SRPK2: variants seen among roughly 807,000 people sequenced by gnomAD.
SRPK2 encodes SRSF protein kinase 2.
A neutral mutation model predicts 90.8 loss-of-function variants in SRPK2; 21 were observed. That is an observed-to-expected ratio of 0.23 (90% confidence interval 0.16 to 0.33). The LOEUF is 0.33. SRPK2 is among the 10% of genes least tolerant of loss of function. The pLI, the probability that SRPK2 is intolerant of heterozygous loss-of-function variation, is 1.00. For missense variants in SRPK2, 620 were observed against 869.0 expected (o/e 0.71, Z 3.60); for synonymous variants, 288 against 311.1 (o/e 0.93, Z 0.78).
chr7:105,373,877 A>T (rs1414983718), intron 2 of SRPK2, among the ~76,000 whole-genome samples: 1 of 152,048 alleles, frequency 6.6e-6, no homozygotes, highest in Non-Finnish European at 1.5e-5. Flanking sequence ...AGTCACTTTC[A>T]ACTTGGTTAT....
At chr7:105,352,663 G>C (rs968473669) in intron 2 of SRPK2, among the ~76,000 whole-genome samples, 1 of 152,256 alleles carries the variant, frequency 6.6e-6, no homozygotes, top group Admixed American at 6.5e-5. Context: ...ACTTTGGGAG[G>C]CCAAGGTGGG....
chr7:105,223,063 C>G (rs1798296451), intron 2 of SRPK2, among the ~76,000 whole-genome samples: 1 of 152,222 alleles, frequency 6.6e-6, no homozygotes, highest in African/African-American at 2.4e-5. Flanking sequence ...GCTGAAGTGG[C>G]CCAGCTGACC....
At chr7:105,149,223 C>G (rs892408608) in intron 7 of SRPK2, among the ~76,000 whole-genome samples, 5 of 152,302 alleles carry the variant, frequency 3.3e-5, no homozygotes, top group African/African-American at 7.2e-5. Flanking sequence ...GTTCAATTCT[C>G]AGATGAGAGA....
rs1374880409 is a variant in SRPK2 at position 105,143,073 on chromosome 7, G to T, written c.1060+11C>A. 1 of 1,610,410 alleles carries T rather than the reference G, an allele frequency of 6.2e-7. No individual in the cohort carries two copies. Among genetic ancestry groups the T allele is most frequent in the African/African-American group, 1.3e-5 (1 of 74,908 alleles). On this transcript the variant is annotated intron_variant, in intron 10 of 15. Coordinates refer to ENST00000393651, the MANE Select transcript of SRPK2 (RefSeq NM_182692.3). ...GAACCCCATGCAGCCCAGGTTCCAGGCCCCACTGACCATTGTCCTTTGCAG... is the reference window on the plus strand; with the variant it reads ...GAACCCCATGCAGCCCAGGTTCCAGTCCCCACTGACCATTGTCCTTTGCAG...
At chr7:105,145,989 C>T (rs1584944759) in intron 8 of SRPK2, among the ~76,000 whole-genome samples, 1 of 152,258 alleles carries the variant, frequency 6.6e-6, no homozygotes, top group East Asian at 1.9e-4. Context: ...GCACCACCTC[C>T]CCGACCCCGC....
Position 105,370,875 on chromosome 7 carries a change from G to C in SRPK2, c.71+17773C>G, listed in dbSNP as rs569247256. Among the ~76,000 whole-genome samples the C allele has an allele frequency of 1.3e-3, 194 of 152,004 alleles. 2 individuals are homozygous for C. The highest frequency in any genetic ancestry group is 1.9e-3 in the South Asian group (9 of 4,820). On this transcript the variant is annotated intron_variant, in intron 2 of 15. Transcript: ENST00000393651. ...AGGCAATCCACCCGCTTAGGCCTCT[G>C]AAAGTGCTAGGATTACAGGCATGAT... is the stretch of plus-strand genomic sequence containing the variant.
intron 3 of SRPK2, among the ~76,000 whole-genome samples, chr7:105,169,622 G>A (rs1790543966): frequency 6.6e-6 from 1 of 152,166 alleles, no homozygotes; most frequent in Admixed American, 6.5e-5. Context: ...AGCTACTTAG[G>A]AGGCTGAGGG....
chr7:105,295,084 C>T (rs953439378), intron 2 of SRPK2, among the ~76,000 whole-genome samples: 9 of 151,738 alleles, frequency 5.9e-5, no homozygotes, highest in Non-Finnish European at 1.0e-4. Flanking sequence ...TGGTGGCATG[C>T]GCCTGTAGTC....
intron 2 of SRPK2, among the ~76,000 whole-genome samples, chr7:105,299,931 A>G (rs1167898502): frequency 6.6e-6 from 1 of 151,992 alleles, no homozygotes; most frequent in African/African-American, 2.4e-5. Flanking sequence ...TAGATCTAAA[A>G]TATTTCCAAA....
At chr7:105,175,941 T>C (rs948302483) in intron 3 of SRPK2, among the ~76,000 whole-genome samples, 4 of 152,074 alleles carry the variant, frequency 2.6e-5, no homozygotes, top group African/African-American at 9.7e-5. Flanking sequence ...AAATTCCTCC[T>C]AAAAAGTAAA....
chr7:105,142,470 C>T lies in SRPK2; in HGVS notation c.1081G>A (p.Glu361Lys). 6.2e-7 allele frequency: 1 copy of T among 1,610,654 alleles called. No individual in the cohort carries two copies. ...KDNGEAEDQE[E>K]KEDAEKENIE... ...TTTTCTTTCTCAGCATCTTCTTTCT[C>T]TTCCTGGTCCTCAGCTTCACCTTAA... Residue 361 changes from glutamate (E) to lysine (K), a missense_variant, in exon 11 of 16, where the codon GAG (glutamate) becomes AAG (lysine). Glu to Lys is a moderately conservative substitution (Grantham distance 56). This residue lies in a region of SRPK2 where 243 missense variants were observed against 245.7 expected (regional missense o/e 0.99). Transcript: ENST00000393651.
chr7:105,170,894 A>AG (rs1563025699), intron 3 of SRPK2, among the ~76,000 whole-genome samples: 14 of 102,914 alleles, frequency 1.4e-4, no homozygotes, highest in South Asian at 6.8e-4. Flanking sequence ...AAAGAAAGAA[A>AG]GAAAGAAAGA....
chr7:105,352,280 G>A (rs1484135013), intron 2 of SRPK2, among the ~76,000 whole-genome samples: 2 of 152,140 alleles, frequency 1.3e-5, no homozygotes, highest in Non-Finnish European at 2.9e-5. Context: ...TCTAACAAAC[G>A]TGGCAGAAGT....
At chr7:105,386,262 C>T (rs927261976) in intron 2 of SRPK2, among the ~76,000 whole-genome samples, 2 of 147,864 alleles carry the variant, frequency 1.4e-5, no homozygotes, top group African/African-American at 2.5e-5. Context: ...TGCAGTGAGC[C>T]GAGATCGCGC....
chr7:105,212,548 T>C (rs1036396713), intron 2 of SRPK2, among the ~76,000 whole-genome samples: 1 of 152,136 alleles, frequency 6.6e-6, no homozygotes, highest in African/African-American at 2.4e-5. Flanking sequence ...AGGTTAGGCA[T>C]AGGAATAATC....
chr7:105,301,915 T>C (rs1054285521), intron 2 of SRPK2: 11 of 1,608,122 alleles, frequency 6.8e-6, no homozygotes, highest in Non-Finnish European at 5.9e-6. Flanking sequence ...CAATTGAAAC[T>C]CCTAATACAG....
At chr7:105,314,836 G>A (rs921140762) in intron 2 of SRPK2, among the ~76,000 whole-genome samples, 2 of 152,238 alleles carry the variant, frequency 1.3e-5, no homozygotes, top group Non-Finnish European at 2.9e-5. Context: ...AATTCATTAA[G>A]TAAATTGCTC....
chr7:105,177,815 G>C (rs746263593), intron 3 of SRPK2, among the ~76,000 whole-genome samples: 1 of 152,168 alleles, frequency 6.6e-6, no homozygotes, highest in Non-Finnish European at 1.5e-5. Context: ...AAGATCAGGA[G>C]ATCGAGACCA....
chr7:105,359,821 G>C (rs1818224406), intron 2 of SRPK2, among the ~76,000 whole-genome samples: 1 of 152,158 alleles, frequency 6.6e-6, no homozygotes, highest in African/African-American at 2.4e-5. Flanking sequence ...TTTAGAATAA[G>C]TGCGATGTGG....
Sources: allele counts gnomAD v4.1 joint callset (sites outside exome capture counted in the v4.1 genomes callset), GRCh38; gene constraint gnomAD v4.1.1; regional missense constraint gnomAD v4.1.1; transcripts MANE v1.5; gene names NCBI Gene and HGNC (gene_info 2026-07-23, HGNC 2026-07-21).